Variants in ENTPD1 observed in about 807,000 individuals in gnomAD.
The protein encoded by ENTPD1 is ATP diphosphohydrolase.
Under a neutral mutation model 57.0 loss-of-function variants are expected in ENTPD1, and 33 were observed. The ratio of observed to expected loss-of-function variants is 0.58; its 90% CI spans 0.44 to 0.77. The LOEUF is 0.77. Among genes scored for constraint, ENTPD1 ranks in the 30% least tolerant of loss-of-function variants. The probability of loss-of-function intolerance (pLI) is 0.00; values close to 1 mark genes in which losing one functional copy is unlikely to be tolerated. For missense variants in ENTPD1, 501 were observed against 603.4 expected (o/e 0.83, Z 1.78); for synonymous variants, 202 against 218.8 (o/e 0.92, Z 0.68).
rs1458733667 is a variant in ENTPD1 at position 95,806,551 on chromosome 10, T to C, written c.17-16686T>C. 3.3e-5 allele frequency among the ~76,000 whole-genome samples: 5 copies of C among 152,344 alleles called. No individual in the cohort carries two copies. The East Asian group carries it at 9.6e-4, about 29-fold the overall frequency. ...ATTGCTGGCAAGGAGCTGCAATCCT[T>C]TGGAGGAGAAGAGGTGCTCTGGTTT... On this transcript the variant is annotated intron_variant, in intron 1 of 9. Transcript: ENST00000371205.
upstream of ENTPD1, among the ~76,000 whole-genome samples, chr10:95,709,283 G>A (rs1436923021): frequency 6.6e-6 from 1 of 152,114 alleles, no homozygotes; most frequent in Non-Finnish European, 1.5e-5. Flanking sequence ...TTTAATGCAT[G>A]TGTAGTTTCA....
chr10:95,876,457 T>C lies in ENTPD1; in HGVS notation c.*10074T>C. 3 of 1,231,474 alleles carry C rather than the reference T, an allele frequency of 2.4e-6. No individual in the cohort carries two copies. The highest frequency in any genetic ancestry group is 3.0e-6 in the Non-Finnish European group (3 of 987,798). The allele number at this position is 1,231,474 out of a possible 1,614,324, so 76.3% of individuals were successfully genotyped here. On this transcript the variant is annotated 3_prime_UTR_variant, in exon 10 of 10. Coordinates refer to ENST00000371205, the MANE Select transcript of ENTPD1 (RefSeq NM_001776.6). ...ATCTATAGGCATACCATAATTGTAA[T>C]CAATAGCTTAAAAATATGTCTCTCT...
intron 1 of ENTPD1, among the ~76,000 whole-genome samples, chr10:95,787,971 T>C (rs1315822186): frequency 1.3e-5 from 2 of 152,190 alleles, no homozygotes; most frequent in Non-Finnish European, 2.9e-5. Flanking sequence ...ACTTTACCTA[T>C]ATATTTATTG....
At chr10:95,719,299 A>G (rs7919673) in intron 1 of ENTPD1, among the ~76,000 whole-genome samples, 5,139 of 152,242 alleles carry the variant, frequency 0.034, 120 homozygotes, top group Non-Finnish European at 0.049. Context: ...CAAGCTTAAT[A>G]CTGGGGCTTC....
chr10:95,821,323 A>C lies in ENTPD1; in HGVS notation c.17-1914A>C, dbSNP rs111987536. Among the ~76,000 whole-genome samples the C allele has an allele frequency of 3.6e-3, 546 of 152,380 alleles. 6 individuals carry two copies. The highest frequency in any genetic ancestry group is 0.011 in the African/African-American group (457 of 41,596). On this transcript the variant is annotated intron_variant, in intron 1 of 9. Transcript: ENST00000371205. ...TGGGCTCAGCATTTGTTGATTTAGC[A>C]GCTTAAAATGCCATCAAGGACTCAC...
chr10:95,743,027 A>C (rs1182899571), intron 1 of ENTPD1, among the ~76,000 whole-genome samples: 1 of 152,180 alleles, frequency 6.6e-6, no homozygotes, highest in Non-Finnish European at 1.5e-5. Flanking sequence ...TAAAGTCCAT[A>C]CTTTATTCAG....
At chr10:95,858,015 G>A (rs558414895) in intron 7 of ENTPD1, among the ~76,000 whole-genome samples, 17 of 152,188 alleles carry the variant, frequency 1.1e-4, no homozygotes, top group African/African-American at 2.4e-4. Context: ...CAAATTAGCC[G>A]GGCGTGGTGG....
At chr10:95,767,519 A>G (rs7921242) in intron 1 of ENTPD1, among the ~76,000 whole-genome samples, 75,996 of 151,464 alleles carry the variant, frequency 0.5, 19,559 homozygotes, top group Admixed American at 0.6. Flanking sequence ...AAATTATGTT[A>G]GTCACTTATT....
chr10:95,845,343 G>A lies in ENTPD1; in HGVS notation c.574-14G>A, dbSNP rs2098432921. 2 of 1,613,960 alleles carry A rather than the reference G, an allele frequency of 1.2e-6. No homozygotes were observed. The highest frequency in any genetic ancestry group is 1.7e-6 in the Non-Finnish European group (2 of 1,180,030). On this transcript the variant is annotated splice_polypyrimidine_tract_variant and intron_variant, in intron 5 of 9. Coordinates refer to ENST00000371205, the MANE Select transcript of ENTPD1 (RefSeq NM_001776.6). ...CCAGAGACTTCTAGCACTGGTAACT[G>A]TACTGTCTTTCAGAAAACAAGGTGG...
chr10:95,756,297 A>C, intron 1 of ENTPD1, 42 bp downstream of exon 1: 1 of 1,547,862 alleles, frequency 6.5e-7, no homozygotes, highest in Non-Finnish European at 8.7e-7. Flanking sequence ...TAAGAAAAAA[A>C]AAATAGAAGG....
intron 1 of ENTPD1, among the ~76,000 whole-genome samples, chr10:95,724,677 A>C (rs2097981715): frequency 6.6e-6 from 1 of 152,220 alleles, no homozygotes; most frequent in Non-Finnish European, 1.5e-5. Context: ...GGAGTGCAGC[A>C]GACACCCTGC....
intron 1 of ENTPD1, among the ~76,000 whole-genome samples, chr10:95,800,184 GA>G (rs1489725613): frequency 1.3e-5 from 2 of 152,090 alleles, no homozygotes; most frequent in African/African-American, 4.8e-5. Context: ...GCCGGTCTGA[GA>G]AATAAAGAGA....
rs1448570330 is a variant in ENTPD1 at position 95,869,992 on chromosome 10, A to C, written c.*3609A>C. The C allele has an allele frequency of 1.0e-6, 1 of 985,366 alleles. No homozygotes were observed. The highest frequency in any genetic ancestry group is 1.7e-5 in the African/African-American group (1 of 57,256). 61.0% of individuals were successfully genotyped at this position (985,366 alleles called of 1,614,324 possible). A position where few individuals can be genotyped will look rare whatever the true frequency, so the allele number is the denominator to read the frequency against. ...CACGTAAAGTTAAAGTTTAAAAGACACAGGAACTAAGCCCTCATTGTCTTT... is the reference window on the plus strand; with the variant it reads ...CACGTAAAGTTAAAGTTTAAAAGACCCAGGAACTAAGCCCTCATTGTCTTT... On this transcript the variant is annotated 3_prime_UTR_variant, in exon 10 of 10. Transcript: ENST00000371205.
At chr10:95,702,949 A>T in the ENTPD1 span, among the ~76,000 whole-genome samples, 1 of 148,204 alleles carries the variant, frequency 6.7e-6, no homozygotes, top group Non-Finnish European at 1.5e-5. Context: ...GCCAGGCTAA[A>T]TTTTTTTTTT....
chr10:95,731,306 G>A (rs2097988768), intron 1 of ENTPD1, among the ~76,000 whole-genome samples: 1 of 152,096 alleles, frequency 6.6e-6, no homozygotes, highest in Non-Finnish European at 1.5e-5. Context: ...ATTGGAGGCT[G>A]GGAGCAGAGC....
chr10:95,779,143 A>G (rs1452548286), intron 1 of ENTPD1, among the ~76,000 whole-genome samples: 2 of 152,192 alleles, frequency 1.3e-5, no homozygotes, highest in Admixed American at 1.3e-4. Context: ...TCCAAGTTGA[A>G]TTAAAGTCTT....
At chr10:95,707,177 G>T (rs891072456), upstream of ENTPD1, among the ~76,000 whole-genome samples, 1 of 152,092 alleles carries the variant, frequency 6.6e-6, no homozygotes, top group Non-Finnish European at 1.5e-5. Context: ...TTGGTCGTGG[G>T]GGCTGCAGCT....
At chr10:95,802,337 CAGAT>C (rs2098253193) in intron 1 of ENTPD1, among the ~76,000 whole-genome samples, 1 of 152,122 alleles carries the variant, frequency 6.6e-6, no homozygotes, top group Admixed American at 6.5e-5. Context: ...AGGAAGCTCT[CAGAT>C]AGCACACCTC....
chr10:95,840,570 A>G (rs1467765557), intron 3 of ENTPD1, among the ~76,000 whole-genome samples: 1 of 152,236 alleles, frequency 6.6e-6, no homozygotes, highest in Non-Finnish European at 1.5e-5. Context: ...AGAGAAGGAA[A>G]CAAAAACCTG....
Sources: allele counts gnomAD v4.1 joint callset (sites outside exome capture counted in the v4.1 genomes callset), GRCh38; gene constraint gnomAD v4.1.1; transcripts MANE v1.5; gene names NCBI Gene and HGNC (gene_info 2026-07-23, HGNC 2026-07-21).